Variants in TASP1 observed in about 807,000 individuals in gnomAD.
The protein encoded by TASP1 is taspase 1.
A neutral mutation model predicts 56.6 loss-of-function variants in TASP1; 16 were observed. That is an observed-to-expected ratio of 0.28 (90% CI 0.19 to 0.43). The LOEUF is 0.43. TASP1 is among the 20% of genes least tolerant of loss of function. TASP1 has a pLI of 1.00. For synonymous variants in TASP1, 179 were observed against 184.2 expected (o/e 0.97, Z 0.23); for missense variants, 393 against 511.6 (o/e 0.77, Z 2.24).
At chr20:13,264,497 T>A in the TASP1 span, among the ~76,000 whole-genome samples, 1 of 152,214 alleles carries the variant, frequency 6.6e-6, no homozygotes, top group African/African-American at 2.4e-5. Context: ...ATCTTCCTCC[T>A]ATTGTAGTGC....
At chr20:13,157,981 A>G in the TASP1 span, among the ~76,000 whole-genome samples, 1 of 152,254 alleles carries the variant, frequency 6.6e-6, no homozygotes, top group Non-Finnish European at 1.5e-5. Flanking sequence ...ATCCTTTTGA[A>G]CAAAGCCTTG....
At chr20:13,115,286 A>T in the TASP1 span, among the ~76,000 whole-genome samples, 4 of 152,136 alleles carry the variant, frequency 2.6e-5, no homozygotes, top group Non-Finnish European at 5.9e-5. Context: ...AACTCTATAA[A>T]AGCTGAGTTC....
chr20:13,301,314 G>A, the TASP1 span, among the ~76,000 whole-genome samples: 4 of 152,080 alleles, frequency 2.6e-5, no homozygotes, highest in Admixed American at 2.0e-4. Context: ...TCAGCCTCCC[G>A]AGTAGCTGGG....
chr20:13,614,422 G>GA (rs1030701828), intron 4 of TASP1, among the ~76,000 whole-genome samples: 1 of 151,870 alleles, frequency 6.6e-6, no homozygotes, highest in African/African-American at 2.4e-5. Context: ...GGAAATGTCA[G>GA]AAAAAATTGA....
intron 13 of TASP1, among the ~76,000 whole-genome samples, 160 bp downstream of exon 13, chr20:13,417,288 G>T (rs1028678919): frequency 6.6e-6 from 1 of 152,198 alleles, no homozygotes; most frequent in Admixed American, 6.5e-5. Context: ...TTTCTCTGGA[G>T]CTGTTAGCAT....
At chr20:13,519,573 C>G (rs556095396) in intron 10 of TASP1, among the ~76,000 whole-genome samples, 53 of 152,134 alleles carry the variant, frequency 3.5e-4, no homozygotes, top group East Asian at 3.1e-3. Flanking sequence ...ATTCAACAAC[C>G]CTTCATGCTA....
the TASP1 span, among the ~76,000 whole-genome samples, chr20:13,260,061 A>G: frequency 1.1e-3 from 160 of 152,348 alleles, no homozygotes; most frequent in African/African-American, 3.8e-3. Context: ...CCACAATTGC[A>G]TCAGCTGCCA....
At chr20:13,420,147 A>G (rs2042385745) in intron 12 of TASP1, among the ~76,000 whole-genome samples, 4 of 152,208 alleles carry the variant, frequency 2.6e-5, no homozygotes, top group Non-Finnish European at 5.9e-5. Context: ...AATATAGCCA[A>G]TATGACCATG....
intron 9 of TASP1, among the ~76,000 whole-genome samples, chr20:13,529,092 T>C (rs1483331618): frequency 6.6e-6 from 1 of 152,078 alleles, no homozygotes; most frequent in Non-Finnish European, 1.5e-5. Flanking sequence ...TGCAAATAGT[T>C]CTGTACCAAA....
At chr20:13,592,001 A>T (rs1409796035) in intron 4 of TASP1, among the ~76,000 whole-genome samples, 3 of 152,194 alleles carry the variant, frequency 2.0e-5, no homozygotes, top group African/African-American at 7.2e-5. Flanking sequence ...CATTTTTTTT[A>T]AATCCTCAAA....
chr20:13,137,629 T>C, the TASP1 span, among the ~76,000 whole-genome samples: 1 of 152,206 alleles, frequency 6.6e-6, no homozygotes. Context: ...TTGGTTTCTA[T>C]GCCCTGGGAA....
intron 10 of TASP1, among the ~76,000 whole-genome samples, chr20:13,486,806 G>A (rs183533376): frequency 1.4e-4 from 22 of 152,170 alleles, no homozygotes; most frequent in East Asian, 7.7e-4. Context: ...ACTTGAATCC[G>A]ATTAGGCCTC....
chr20:13,214,574 GAGAGAGAGAGAGAGACAGAAAGAC>G, the TASP1 span, among the ~76,000 whole-genome samples: 2 of 151,726 alleles, frequency 1.3e-5, no homozygotes, highest in Non-Finnish European at 2.9e-5. Context: ...GAGAGAGAGA[GAGAGAGAGAGAGAGACAGAAAGAC>G]AGAGACAGAG....
chr20:13,187,024 A>G, the TASP1 span, among the ~76,000 whole-genome samples: 17 of 152,354 alleles, frequency 1.1e-4, no homozygotes, highest in South Asian at 2.1e-3. Flanking sequence ...AAGAAGAGAG[A>G]TAAAACTCTA....
At chr20:13,392,756 C>A in intron 13 of TASP1, 1 of 590,164 alleles carries the variant, frequency 1.7e-6, no homozygotes. Flanking sequence ...TCTGGTAAAG[C>A]AGATGTTCTC....
chr20:13,214,560 C>CAGAGAG, the TASP1 span, among the ~76,000 whole-genome samples: 1 of 118,328 alleles, frequency 8.5e-6, no homozygotes, highest in African/African-American at 3.1e-5. Flanking sequence ...CACACACACA[C>CAGAGAG]ACAGAGAGAG....
intron 8 of TASP1, among the ~76,000 whole-genome samples, chr20:13,537,119 T>C (rs1043271385): frequency 6.6e-6 from 1 of 152,134 alleles, no homozygotes; most frequent in African/African-American, 2.4e-5. Flanking sequence ...TGTAAAGTAA[T>C]TTTCCTAGCA....
At chr20:13,114,524 A>G in the TASP1 span, among the ~76,000 whole-genome samples, 2 of 152,356 alleles carry the variant, frequency 1.3e-5, no homozygotes, top group Admixed American at 1.3e-4. Context: ...AAATACATAT[A>G]TAAACATATG....
chr20:13,447,663 A>G lies in TASP1; in HGVS notation c.986-12509T>C, dbSNP rs552770481. Among the ~76,000 whole-genome samples the G allele has an allele frequency of 1.4e-4, 21 of 152,226 alleles. No individual in the cohort carries two copies. The South Asian group carries it at 3.7e-3, about 27-fold the overall frequency. On this transcript the variant is annotated intron_variant, in intron 11 of 13. Coordinates refer to ENST00000337743, the MANE Select transcript of TASP1 (RefSeq NM_017714.3). ...CAGAAAGAGGCTAAGCCCCAAATGCACTATGAAGCCTGTGTGCCAGGCTGA... is the reference window on the plus strand; with the variant it reads ...CAGAAAGAGGCTAAGCCCCAAATGCGCTATGAAGCCTGTGTGCCAGGCTGA...
Sources: gnomAD v4.1 joint callset for allele counts (sites outside exome capture counted in the v4.1 genomes callset) on GRCh38, gnomAD v4.1.1 for gene constraint, MANE v1.5 for transcripts, NCBI Gene and HGNC (gene_info 2026-07-23, HGNC 2026-07-21) for gene names.